DNAI1: variants seen among roughly 807,000 people sequenced by gnomAD.
DNAI1 encodes the protein dynein axonemal intermediate chain 1.
In DNAI1, 67 loss-of-function variants were observed where a neutral mutation model predicts 92.0. The observed-to-expected ratio is 0.73, with a 90% CI of 0.60 to 0.89. DNAI1 has a LOEUF of 0.89. Ranked by LOEUF, DNAI1 falls within the 40% of genes least tolerant of loss-of-function variation. The pLI, the probability that DNAI1 is intolerant of heterozygous loss-of-function variation, is 0.00. For synonymous variants in DNAI1, 323 were observed against 319.6 expected, an observed-to-expected ratio of 1.01 and a Z score of -0.11; for missense variants, 839 against 866.6, an observed-to-expected ratio of 0.97 and a Z score of 0.40.
At chr9:34,482,964 A>C (rs1824397467) in intron 1 of DNAI1, among the ~76,000 whole-genome samples, 1 of 152,212 alleles carries the variant, frequency 6.6e-6, no homozygotes, top group African/African-American at 2.4e-5. Context: ...GTGGGCCAGC[A>C]CTGCTGGGGG....
intron 19 of DNAI1, 75 bp from the exon 20 acceptor site, chr9:34,520,583 C>A: frequency 7.4e-7 from 1 of 1,356,450 alleles, no homozygotes; most frequent in Non-Finnish European, 1.0e-6. Context: ...ACAGGCTGGG[C>A]AGAGGAGGTG....
intron 1 of DNAI1, among the ~76,000 whole-genome samples, chr9:34,463,581 G>A (rs537083411): frequency 6.6e-6 from 1 of 152,028 alleles, no homozygotes; most frequent in African/African-American, 2.4e-5. Flanking sequence ...GTAGAAAACC[G>A]AATTAGAATC....
chr9:34,480,129 T>C (rs1318641331), intron 1 of DNAI1, among the ~76,000 whole-genome samples: 1 of 152,190 alleles, frequency 6.6e-6, no homozygotes, highest in East Asian at 1.9e-4. Flanking sequence ...TCTGCTGCAT[T>C]GAACCCTCCT....
Position 34,520,675 on chromosome 9 carries a change from G to A in DNAI1, c.2019G>A (p.Glu673=), listed in dbSNP as rs576215372. The A allele has an allele frequency of 5.2e-6, 8 of 1,551,516 alleles. No homozygotes were observed. The highest frequency in any genetic ancestry group is 7.0e-6 in the Non-Finnish European group (8 of 1,146,962). ...RKMPKEKKGQ[E]VQKGPAVEIA... is the part of the protein sequence containing the mutation. The stretch of plus-strand genomic sequence containing the variant: ...CTCCCCAGGAAAAGAAGGGGCAGGA[G>A]GTGCAGAAGGGTCCAGCTGTGGAGA... Residue 673 remains glutamate, a synonymous_variant, in exon 20 of 20, where the codon GAG becomes GAA. Transcript: ENST00000242317.
At chr9:34,464,358 T>C (rs1051253406) in intron 1 of DNAI1, among the ~76,000 whole-genome samples, 2 of 152,210 alleles carry the variant, frequency 1.3e-5, no homozygotes, top group African/African-American at 4.8e-5. Flanking sequence ...GCCTGAGACC[T>C]ACCTGGGTCT....
At chr9:34,514,293 G>T in intron 16 of DNAI1, 101 bp from the exon 17 acceptor site, 1 of 1,492,644 alleles carries the variant, frequency 6.7e-7, no homozygotes, top group Non-Finnish European at 9.2e-7. Flanking sequence ...TGCGATGTGG[G>T]TTAAGGACAG....
intron 1 of DNAI1, among the ~76,000 whole-genome samples, chr9:34,476,846 C>G (rs1824246235): frequency 6.6e-6 from 1 of 152,218 alleles, no homozygotes; most frequent in South Asian, 2.1e-4. Context: ...ACTGGGCACA[C>G]AGGCTCAGTC....
intron 12 of DNAI1, among the ~76,000 whole-genome samples, chr9:34,505,338 C>T (rs1824904183): frequency 6.6e-6 from 1 of 152,138 alleles, no homozygotes; most frequent in African/African-American, 2.4e-5. Context: ...ACATCTGCTT[C>T]TATGGTTACA....
At chr9:34,519,891 G>A (rs1267121648) in intron 19 of DNAI1, among the ~76,000 whole-genome samples, 6 of 152,204 alleles carry the variant, frequency 3.9e-5, no homozygotes, top group Non-Finnish European at 1.5e-5. Flanking sequence ...CAGGGAGGGT[G>A]GGACTGGTGC....
At chr9:34,463,030 G>C (rs1254190035) in intron 1 of DNAI1, among the ~76,000 whole-genome samples, 1 of 152,176 alleles carries the variant, frequency 6.6e-6, no homozygotes, top group Non-Finnish European at 1.5e-5. Flanking sequence ...AATCAGAGAA[G>C]TAGACTAAGA....
At chr9:34,481,883 A>C (rs914006852) in intron 1 of DNAI1, among the ~76,000 whole-genome samples, 5 of 152,304 alleles carry the variant, frequency 3.3e-5, no homozygotes, top group East Asian at 1.9e-4. Flanking sequence ...AAGAACAAAG[A>C]TTCCACAGTG....
chr9:34,479,552 A>G (rs1824301133), intron 1 of DNAI1, among the ~76,000 whole-genome samples: 1 of 152,182 alleles, frequency 6.6e-6, no homozygotes, highest in Admixed American at 6.5e-5. Context: ...TGCCAGATAA[A>G]TGTTTTACAG....
At chr9:34,482,971 G>T (rs1824397764) in intron 1 of DNAI1, among the ~76,000 whole-genome samples, 1 of 152,228 alleles carries the variant, frequency 6.6e-6, no homozygotes, top group Non-Finnish European at 1.5e-5. Context: ...AGCACTGCTG[G>T]GGGACTCAGT....
rs761130476 is a variant in DNAI1 at position 34,485,212 on chromosome 9, C to T, written c.152C>T (p.Pro51Leu). The change falls in exon 3 of 20, where the codon CCC becomes CTC. Residue 51 changes from proline (P) to leucine (L), a missense_variant. Pro to Leu is a moderately conservative substitution (Grantham distance 98). Transcript: ENST00000242317. ...EWAQSKATVRPPDQLELTDAE... is the reference protein window; with the variant it reads ...EWAQSKATVRLPDQLELTDAE... ...GCCCAATCCAAAGCCACAGTTAGAC[C>T]CCCTGACCAGCTGGAGTTGACCGAT... The T allele has an allele frequency of 2.5e-6, 4 of 1,614,086 alleles. No individual in the cohort carries two copies. The highest frequency in any genetic ancestry group is 3.4e-6 in the Non-Finnish European group (4 of 1,180,018).
chr9:34,490,158 T>C, intron 6 of DNAI1, 34 bp downstream of exon 6: 4 of 1,613,550 alleles, frequency 2.5e-6, no homozygotes, highest in Middle Eastern at 1.7e-4. Flanking sequence ...TCCCTCTTCT[T>C]CCAGCTCAAG....
chr9:34,480,066 A>C (rs1005323959), intron 1 of DNAI1, among the ~76,000 whole-genome samples: 6 of 152,174 alleles, frequency 3.9e-5, no homozygotes, highest in African/African-American at 1.4e-4. Context: ...AGCTGGAAGC[A>C]GGGGTTCCTT....
chr9:34,485,366 G>A (rs1298150381), intron 3 of DNAI1, 71 bp from the exon 4 acceptor site: 2 of 1,593,508 alleles, frequency 1.3e-6, no homozygotes, highest in Non-Finnish European at 1.7e-6. Context: ...ATACTCTGAG[G>A]GATCCTTCTA....
At chr9:34,503,011 G>T (rs894915791) in intron 12 of DNAI1, among the ~76,000 whole-genome samples, 1 of 152,142 alleles carries the variant, frequency 6.6e-6, no homozygotes. Context: ...ATTCTTTCTC[G>T]TAGCTTTCCT....
intron 12 of DNAI1, 30 bp downstream of exon 12, chr9:34,501,211 T>A: frequency 6.3e-7 from 1 of 1,575,666 alleles, no homozygotes; most frequent in South Asian, 1.1e-5. Flanking sequence ...ATTTATTTGC[T>A]CATGTAAACA....
Sources: allele counts gnomAD v4.1 joint callset (sites outside exome capture counted in the v4.1 genomes callset), GRCh38; gene constraint gnomAD v4.1.1; transcripts MANE v1.5; gene names NCBI Gene and HGNC (gene_info 2026-07-23, HGNC 2026-07-21).